Variants in SHISA6 observed in about 807,000 individuals in gnomAD.
SHISA6 encodes protein shisa-6.
In SHISA6, 22 loss-of-function variants were observed where a neutral mutation model predicts 47.9. The ratio of observed to expected loss-of-function variants is 0.46; its 90% CI spans 0.33 to 0.66. The LOEUF (loss-of-function observed/expected upper bound fraction) is 0.66. Ranked by LOEUF, SHISA6 falls within the 30% of genes least tolerant of loss-of-function variation. The pLI is 0.02. For missense variants in SHISA6, 680 were observed against 764.6 expected (o/e 0.89, Z 1.30); for synonymous variants, 388 against 337.8 (o/e 1.15, Z -1.63).
In SHISA6 at chr17:11,353,653, A is replaced by G. The variant is rs567065723; in HGVS notation, c.800-25761A>G. The stretch of plus-strand genomic sequence containing the variant: ...GGGAACAGGTCTGCCCGTAGCCACA[A>G]GGACCCTCGCATCATCATGGATGTG... On this transcript the variant is annotated intron_variant, in intron 2 of 5. Coordinates refer to ENST00000441885, the MANE Select transcript of SHISA6 (RefSeq NM_207386.4). 7.2e-5 allele frequency among the ~76,000 whole-genome samples: 11 copies of G among 152,292 alleles called. No individual in the cohort carries two copies. In the East Asian group the frequency reaches 1.2e-3, roughly 16 times the overall value.
chr17:11,241,662 T>A lies in SHISA6; in HGVS notation c.240T>A (p.Ala80=). Residue 80 remains alanine (A), a synonymous_variant, in exon 1 of 6, where the codon GCT becomes GCA. Coordinates refer to ENST00000441885, the MANE Select transcript of SHISA6 (RefSeq NM_207386.4). This position sits in a 1 kb window ranked among gnomAD's most constrained non-coding sequence, Gnocchi z 5.5. ...GCCGGCGGGGGCAGCCCGCGGCGGC[T>A]GTGGCGGCGGCGGCCAGCGCGGCCG... The part of the protein sequence containing the change: ...AGSRRGQPAA[A]VAAAASAAVT... 1 of 1,455,326 alleles carries A rather than the reference T, an allele frequency of 6.9e-7. No individual in the cohort carries two copies. Among genetic ancestry groups the A allele is most frequent in the African/African-American group, 1.5e-5 (1 of 68,170 alleles). The allele number at this position is 1,455,326 out of a possible 1,614,324, so 90.2% of individuals were successfully genotyped here.
Position 11,563,867 on chromosome 17 carries a change from C to T in SHISA6, c.*5563C>T, listed in dbSNP as rs929657162. 4 of 152,168 alleles carry T rather than the reference C, an allele frequency of 2.6e-5. No homozygotes were observed. Among genetic ancestry groups the T allele is most frequent in the Non-Finnish European group, 4.4e-5 (3 of 68,038 alleles). The allele number at this position is 152,168 out of a possible 1,614,324, so 9.4% of individuals were successfully genotyped here. ...GTATCTTTGCAGTTTCTTCGTTACT[C>T]ATATGTAAGCCTCATGGTAAGCAGT... On this transcript the variant is annotated 3_prime_UTR_variant, in exon 6 of 6. Transcript: ENST00000441885.
At chr17:11,456,652 A>G (rs771492899) in intron 3 of SHISA6, among the ~76,000 whole-genome samples, 30 of 152,320 alleles carry the variant, frequency 2.0e-4, no homozygotes, top group Non-Finnish European at 3.7e-4. Context: ...CCTTGAGGCC[A>G]CGCTGTCGGA....
intron 3 of SHISA6, among the ~76,000 whole-genome samples, chr17:11,390,804 C>A (rs1913359954): frequency 6.6e-6 from 1 of 152,048 alleles, no homozygotes; most frequent in Non-Finnish European, 1.5e-5. Context: ...GATAGGGAAC[C>A]AAAACCAGCA....
chr17:11,355,174 G>A (rs564567079), intron 2 of SHISA6, among the ~76,000 whole-genome samples: 1 of 152,306 alleles, frequency 6.6e-6, no homozygotes, highest in African/African-American at 2.4e-5. Flanking sequence ...TTGAGTGAGT[G>A]GACAGAGCCA....
At position 11,497,132 on chromosome 17, in the gene SHISA6, C is replaced by T. The variant is rs562690828; in HGVS notation, c.896-54764C>T. Among the ~76,000 whole-genome samples, 25 of 152,272 alleles carry T rather than the reference C, an allele frequency of 1.6e-4. No individual in the cohort carries two copies. The South Asian group carries it at 5.2e-3, about 32-fold the overall frequency. ...CCTGAGGACCAGCTCTGCTAGGAGA[C>T]ACCCTGAAGCCTTGACCTGGGGAAA... On this transcript the variant is annotated intron_variant, in intron 3 of 5. Transcript: ENST00000441885.
At chr17:11,364,422 AT>A (rs981890639) in intron 2 of SHISA6, among the ~76,000 whole-genome samples, 2 of 152,114 alleles carry the variant, frequency 1.3e-5, no homozygotes, top group Non-Finnish European at 2.9e-5. Flanking sequence ...TGTGACATGC[AT>A]TTTTTTGTGT....
intron 3 of SHISA6, among the ~76,000 whole-genome samples, chr17:11,436,463 T>C (rs775863243): frequency 2.6e-5 from 4 of 152,260 alleles, no homozygotes; most frequent in African/African-American, 9.6e-5. Flanking sequence ...CTCTTGGAAA[T>C]ATTAATTCAC....
At chr17:11,332,802 A>G (rs186551753) in intron 2 of SHISA6, among the ~76,000 whole-genome samples, 1 of 152,238 alleles carries the variant, frequency 6.6e-6, no homozygotes, top group Non-Finnish European at 1.5e-5. Context: ...AACAATTCCA[A>G]TAAATTAGTG....
intron 2 of SHISA6, among the ~76,000 whole-genome samples, chr17:11,330,929 C>T (rs577146993): frequency 5.9e-5 from 9 of 152,286 alleles, no homozygotes; most frequent in Admixed American, 5.2e-4. Flanking sequence ...ATAGTGACAA[C>T]ATGAAGTCAT....
chr17:11,430,074 G>A (rs1462483017), intron 3 of SHISA6, among the ~76,000 whole-genome samples: 1 of 152,186 alleles, frequency 6.6e-6, no homozygotes, highest in Non-Finnish European at 1.5e-5. Flanking sequence ...CTTTTGAGAT[G>A]AGGAAACTGA....
intron 3 of SHISA6, among the ~76,000 whole-genome samples, chr17:11,496,373 G>T (rs2071408982): frequency 6.6e-6 from 1 of 152,174 alleles, no homozygotes; most frequent in Non-Finnish European, 1.5e-5. Flanking sequence ...AAATAACACG[G>T]TGGGCTGAAA....
Position 11,242,186 on chromosome 17 carries a change from G to T in SHISA6, c.638+126G>T. On this transcript the variant is annotated intron_variant, in intron 1 of 5. Transcript: ENST00000441885. ...AGGCCCTCTAGTCATTTCCACCATCGCTCCTTTTGCATGCAATAAATCAGG... is the reference window on the plus strand; with the variant it reads ...AGGCCCTCTAGTCATTTCCACCATCTCTCCTTTTGCATGCAATAAATCAGG... 3.1e-6 allele frequency: 4 copies of T among 1,289,654 alleles called. No individual in the cohort carries two copies. In the East Asian group the frequency reaches 7.6e-5, roughly 25 times the overall value. 79.9% of individuals were successfully genotyped at this position (1,289,654 alleles called of 1,614,324 possible). A position where few individuals can be genotyped will look rare whatever the true frequency, so the allele number is the denominator to read the frequency against.
chr17:11,393,638 T>C (rs1363316354), intron 3 of SHISA6, among the ~76,000 whole-genome samples: 1 of 152,342 alleles, frequency 6.6e-6, no homozygotes, highest in East Asian at 1.9e-4. Flanking sequence ...CCTAACTCTT[T>C]GGAACAGTGC....
intron 2 of SHISA6, among the ~76,000 whole-genome samples, chr17:11,369,602 A>G (rs1256237049): frequency 6.6e-6 from 1 of 152,218 alleles, no homozygotes. Flanking sequence ...TCATTTCTTA[A>G]TAGAGCCATG....
intron 2 of SHISA6, among the ~76,000 whole-genome samples, chr17:11,278,447 C>G (rs949956864): frequency 6.6e-6 from 1 of 152,166 alleles, no homozygotes; most frequent in Non-Finnish European, 1.5e-5. Flanking sequence ...GTCTCCTCGC[C>G]CATATGTGTT....
intron 3 of SHISA6, among the ~76,000 whole-genome samples, chr17:11,454,194 A>C (rs1915473721): frequency 6.6e-6 from 1 of 152,100 alleles, no homozygotes; most frequent in Non-Finnish European, 1.5e-5. Flanking sequence ...TATTCAATCT[A>C]TTTCTGCACA....
intron 3 of SHISA6, among the ~76,000 whole-genome samples, chr17:11,544,354 C>G (rs1309277247): frequency 1.3e-5 from 2 of 151,908 alleles, no homozygotes; most frequent in Non-Finnish European, 2.9e-5. Flanking sequence ...AAATAATTCT[C>G]AAAACAGGAA....
At chr17:11,320,020 T>C (rs1408350968) in intron 2 of SHISA6, among the ~76,000 whole-genome samples, 3 of 152,204 alleles carry the variant, frequency 2.0e-5, no homozygotes, top group South Asian at 4.1e-4. Flanking sequence ...TGAAAATCAG[T>C]GGCTATTTCC....
Sources: gnomAD v4.1 joint callset for allele counts (sites outside exome capture counted in the v4.1 genomes callset) on GRCh38, gnomAD v4.1.1 for gene constraint, Gnocchi (gnomAD v3.1) non-coding constraint, MANE v1.5 for transcripts, NCBI Gene and HGNC (gene_info 2026-07-23, HGNC 2026-07-21) for gene names.